Variants in NAT16 observed in about 807,000 individuals in gnomAD.
NAT16 encodes the protein probable N-acetyltransferase 16.
Under a neutral mutation model 15.9 loss-of-function variants are expected in NAT16, and 16 were observed. The ratio of observed to expected loss-of-function variants is 1.01; its 90% CI spans 0.68 to 1.53. The LOEUF is 1.53. Ranked by LOEUF, NAT16 falls within the 40% of genes most tolerant of loss-of-function variation. The pLI, the probability that NAT16 is intolerant of heterozygous loss-of-function variation, is 0.00. For synonymous variants in NAT16, 260 were observed against 241.9 expected (o/e 1.07, Z -0.69); for missense variants, 572 against 508.4 (o/e 1.13, Z -1.20).
rs747140486 is a variant in NAT16, at chr7:101,173,419, C to T, written c.414G>A (p.Leu138=). The part of the protein sequence containing the change: ...PWERGKGVAG[L]LQRFCSQLVK... ...CCAGCTGCGAGCAGAAGCGCTGCAG[C>T]AGCCCGGCCACGCCCTTCCCGCGCT... Residue 138 remains leucine (L), a synonymous_variant, in exon 3 of 4, where the codon CTG becomes CTA. Coordinates refer to ENST00000300303, the MANE Select transcript of NAT16 (RefSeq NM_198571.3). 3 of 1,613,320 alleles carry T rather than the reference C, an allele frequency of 1.9e-6. No homozygotes were observed. Among genetic ancestry groups the T allele is most frequent in the Non-Finnish European group, 2.5e-6 (3 of 1,179,606 alleles).
intron 1 of NAT16, among the ~76,000 whole-genome samples, chr7:101,178,485 G>A (rs2116735520): frequency 1.3e-5 from 2 of 152,090 alleles, no homozygotes. Flanking sequence ...CTCATCAGAT[G>A]TCTAGGCAGA....
At position 101,171,282 on chromosome 7, in the gene NAT16, A is replaced by G. The variant is rs890665327; in HGVS notation, c.*797T>C. 6.6e-6 allele frequency: 1 copy of G among 152,412 alleles called. No individual in the cohort carries two copies. Among genetic ancestry groups the G allele is most frequent in the African/African-American group, 2.4e-5 (1 of 41,462 alleles). 9.4% of individuals were successfully genotyped at this position (152,412 alleles called of 1,614,324 possible). A position where few individuals can be genotyped will look rare whatever the true frequency, so the allele number is the denominator to read the frequency against. ...TGCAAAGCAGGAGGAAACCCCAGTG[A>G]GAGAGGCAGGCTCAGAAAGTGCATC... On this transcript the variant is annotated 3_prime_UTR_variant, in exon 4 of 4. Coordinates refer to ENST00000300303, the MANE Select transcript of NAT16 (RefSeq NM_198571.3).
In NAT16 at chr7:101,172,661, G is replaced by A. The variant is rs752880804; in HGVS notation, c.538-10C>T. ...GGACCAAAAGGATGCCCTGCGGGGG[G>A]CACGAGTGAGCGCGGGGAGGGGGGG... is the stretch of plus-strand genomic sequence containing the variant. On this transcript the variant is annotated splice_polypyrimidine_tract_variant and intron_variant, in intron 3 of 3. Coordinates refer to ENST00000300303, the MANE Select transcript of NAT16 (RefSeq NM_198571.3). This position sits in a 1 kb window ranked among gnomAD's most constrained non-coding sequence, Gnocchi z 4.2. 6 of 1,483,756 alleles carry A rather than the reference G, an allele frequency of 4.0e-6. No homozygotes were observed. The highest frequency in any genetic ancestry group is 5.3e-6 in the Non-Finnish European group (6 of 1,127,882). 91.9% of individuals were successfully genotyped at this position (1,483,756 alleles called of 1,614,324 possible).
Position 101,172,497 on chromosome 7 carries a change from GA to G in NAT16, c.691del (p.Ser231ProfsTer126). ...GCCTGGAAGCACGTCGCGCTGCACG[GA>G]GGGTGACAGCAGGAGGCGTGCCACG... ...GDVARLLLSP[S>X]VQRDVLPGGT... On this transcript the variant is annotated frameshift_variant, in exon 4 of 4. Coordinates refer to ENST00000300303, the MANE Select transcript of NAT16 (RefSeq NM_198571.3). LOFTEE classifies it low-confidence loss of function (END_TRUNC). This position sits in a 1 kb window ranked among gnomAD's most constrained non-coding sequence, Gnocchi z 4.2. The G allele has an allele frequency of 6.3e-7, 1 of 1,594,750 alleles. No homozygotes were observed. Among genetic ancestry groups the G allele is most frequent in the Non-Finnish European group, 8.5e-7 (1 of 1,176,152 alleles).
chr7:101,172,235 C>T lies in NAT16; in HGVS notation c.954G>A (p.Gln318=). Residue 318 remains glutamine (Q), a synonymous_variant, in exon 4 of 4, where the codon CAG becomes CAA. Coordinates refer to ENST00000300303, the MANE Select transcript of NAT16 (RefSeq NM_198571.3). The surrounding 1 kb of genome is among the most constrained non-coding windows in gnomAD (Gnocchi z 4.2). ...GGCCAACGAGGCGCGGGGCCTGGCG[C>T]TGCAGGTGCCACAGCAGCTGGCTCT... ...QVQSQLLWHL[Q]RQAPRLVGLN... is the part of the protein sequence containing the mutation. The T allele has an allele frequency of 6.2e-7, 1 of 1,613,434 alleles. No homozygotes were observed. Among genetic ancestry groups the T allele is most frequent in the South Asian group, 1.1e-5 (1 of 91,064 alleles).
chr7:101,172,227 G>A lies in NAT16; in HGVS notation c.962C>T (p.Ala321Val), dbSNP rs746139290. 1 of 1,613,516 alleles carries A rather than the reference G, an allele frequency of 6.2e-7. No individual in the cohort carries two copies. The highest frequency in any genetic ancestry group is 8.5e-7 in the Non-Finnish European group (1 of 1,179,866). Residue 321 changes from alanine (A) to valine (V), a missense_variant, in exon 4 of 4, where the codon GCC becomes GTC. Transcript: ENST00000300303. The surrounding 1 kb of genome is among the most constrained non-coding windows in gnomAD (Gnocchi z 4.2). ...SQLLWHLQRQAPRLVGLNVMC... is the reference protein window; with the variant it reads ...SQLLWHLQRQVPRLVGLNVMC... Reference sequence around the variant, plus strand: ...GACGTTGAGGCCAACGAGGCGCGGGGCCTGGCGCTGCAGGTGCCACAGCAG... The same window carrying A: ...GACGTTGAGGCCAACGAGGCGCGGGACCTGGCGCTGCAGGTGCCACAGCAG...
chr7:101,175,762 T>TA (rs1298420648), intron 1 of NAT16, among the ~76,000 whole-genome samples: 7 of 151,490 alleles, frequency 4.6e-5, no homozygotes, highest in Non-Finnish European at 8.8e-5. Flanking sequence ...ACTCTGTCTA[T>TA]AAAAAAAATT....
chr7:101,172,210 G>A lies in NAT16; in HGVS notation c.979C>T (p.Leu327Phe). Residue 327 changes from leucine (L) to phenylalanine (F), a missense_variant, in exon 4 of 4, where the codon CTC becomes TTC. Physicochemically the swap from Leu to Phe is conservative, Grantham distance 22. Transcript: ENST00000300303. The surrounding 1 kb of genome is among the most constrained non-coding windows in gnomAD (Gnocchi z 4.2). The stretch of plus-strand genomic sequence containing the variant: ...AGGAAGAGCTGGCACATGACGTTGA[G>A]GCCAACGAGGCGCGGGGCCTGGCGC... ...LQRQAPRLVG[L>F]NVMCQLFLEP... 6.2e-7 allele frequency: 1 copy of A among 1,613,776 alleles called. No individual in the cohort carries two copies. The highest frequency in any genetic ancestry group is 1.1e-5 in the South Asian group (1 of 91,062).
In NAT16 at chr7:101,171,944, C is replaced by A. The variant is rs1797331042; in HGVS notation, c.*135G>T. On this transcript the variant is annotated 3_prime_UTR_variant, in exon 4 of 4. Coordinates refer to ENST00000300303, the MANE Select transcript of NAT16 (RefSeq NM_198571.3). ...AGGGACAGAGTGGGGGGACCTGCGC[C>A]GGTAAGGGCAGGAGGGCAGGAGTCA... is the stretch of plus-strand genomic sequence containing the variant. 3.1e-6 allele frequency: 2 copies of A among 635,664 alleles called. No individual in the cohort carries two copies. Among genetic ancestry groups the A allele is most frequent in the Admixed American group, 2.9e-5 (1 of 33,960 alleles). 39.4% of individuals were successfully genotyped at this position (635,664 alleles called of 1,614,324 possible).
Position 101,174,542 on chromosome 7 carries a change from C to CTA in NAT16, c.265_266insTA (p.Arg89LeufsTer17). ...CAGCACCACCGTGCGGTCGGGGTCC[C>CTA]GGAGCCAGCTGTGGTAGCGGCTAGG... On this transcript the variant is annotated frameshift_variant, in exon 2 of 4. Transcript: ENST00000300303. LOFTEE classifies it high-confidence loss of function. The CTA allele has an allele frequency of 6.2e-7, 1 of 1,613,930 alleles. No individual in the cohort carries two copies. The highest frequency in any genetic ancestry group is 1.7e-5 in the Admixed American group (1 of 60,016).
At chr7:101,177,853 G>A (rs573375707) in intron 1 of NAT16, among the ~76,000 whole-genome samples, 2 of 152,252 alleles carry the variant, frequency 1.3e-5, no homozygotes, top group African/African-American at 4.8e-5. Context: ...TCCATGCCTG[G>A]AACCAGCCCA....
At chr7:101,174,223 T>C in intron 2 of NAT16, 1 of 517,622 alleles carries the variant, frequency 1.9e-6, no homozygotes, top group Non-Finnish European at 3.4e-6. Flanking sequence ...CCTCCTTTGC[T>C]TTTACCCCCA....
rs1415792381 is a variant in NAT16 at position 101,170,894 on chromosome 7, T to C, written c.*1185A>G. On this transcript the variant is annotated 3_prime_UTR_variant, in exon 4 of 4. Coordinates refer to ENST00000300303, the MANE Select transcript of NAT16 (RefSeq NM_198571.3). ...ATGACTTAGAAGTCACTTTGATCTTTCCCAGCCTTCTGTTTTCTCCCTCTG... is the reference window on the plus strand; with the variant it reads ...ATGACTTAGAAGTCACTTTGATCTTCCCCAGCCTTCTGTTTTCTCCCTCTG... The C allele has an allele frequency of 1.3e-5, 2 of 152,268 alleles. No individual in the cohort carries two copies. Among genetic ancestry groups the C allele is most frequent in the Non-Finnish European group, 2.9e-5 (2 of 68,072 alleles). 9.4% of individuals were successfully genotyped at this position (152,268 alleles called of 1,614,324 possible).
At chr7:101,178,815 C>A (rs965190527) in intron 1 of NAT16, among the ~76,000 whole-genome samples, 1 of 138,448 alleles carries the variant, frequency 7.2e-6, no homozygotes, top group African/African-American at 2.7e-5. Context: ...CGCTTCAACC[C>A]GGGAGGCCGA....
intron 3 of NAT16, 88 bp downstream of exon 3, chr7:101,173,208 C>T (rs752366078): frequency 9.9e-6 from 12 of 1,209,514 alleles, no homozygotes; most frequent in Non-Finnish European, 1.5e-5. Context: ...AGAGAGAGAG[C>T]AAGCCCGTGT....
intron 1 of NAT16, among the ~76,000 whole-genome samples, chr7:101,175,083 T>C (rs1023193668): frequency 8.5e-5 from 13 of 152,078 alleles, no homozygotes; most frequent in Non-Finnish European, 1.8e-4. Context: ...ACCTCCTGAG[T>C]TGCTGGGACT....
At chr7:101,173,545 G>A (rs1797393587) in intron 2 of NAT16, 25 bp from the exon 3 acceptor site, 1 of 1,538,098 alleles carries the variant, frequency 6.5e-7, no homozygotes, top group Admixed American at 1.9e-5. Context: ...CGTTAGCGCG[G>A]GGCCCTCCCC....
Position 101,172,433 on chromosome 7 carries a change from G to A in NAT16, c.756C>T (p.Ser252=), listed in dbSNP as rs142100236. The change falls in exon 4 of 4, where the codon AGC becomes AGT. Residue 252 remains serine (S), a synonymous_variant. Coordinates refer to ENST00000300303, the MANE Select transcript of NAT16 (RefSeq NM_198571.3). This position sits in a 1 kb window ranked among gnomAD's most constrained non-coding sequence, Gnocchi z 4.2. ...IIQDWQPYRP[S]ESNLRLLAAK... ...CCGCCAGCAGGCGCAGGTTGCTTTC[G>A]CTAGGCCGGTAGGGCTGCCAGTCCT... is the stretch of plus-strand genomic sequence containing the variant. 8 of 1,594,490 alleles carry A rather than the reference G, an allele frequency of 5.0e-6. No homozygotes were observed. The highest frequency in any genetic ancestry group is 1.7e-5 in the Admixed American group (1 of 57,980).
intron 2 of NAT16, 36 bp from the exon 3 acceptor site, chr7:101,173,556 GCC>G (rs1797394253): frequency 6.7e-7 from 1 of 1,495,352 alleles, no homozygotes; most frequent in Admixed American, 2.1e-5. Flanking sequence ...GGCCCTCCCC[GCC>G]TGCGCCCCTG....
Sources: allele counts gnomAD v4.1 joint callset (sites outside exome capture counted in the v4.1 genomes callset), GRCh38; gene constraint gnomAD v4.1.1; non-coding constraint Gnocchi (gnomAD v3.1); transcripts MANE v1.5; gene names NCBI Gene and HGNC (gene_info 2026-07-23, HGNC 2026-07-21).